The following COL24A1 variants were observed in gnomAD, a reference collection of about 807,000 sequenced individuals.
COL24A1 encodes the protein collagen type XXIV alpha 1 chain.
Under a neutral mutation model 253.9 loss-of-function variants are expected in COL24A1, and 224 were observed. The observed-to-expected ratio is 0.88, with a 90% CI of 0.79 to 0.99. COL24A1 has a LOEUF of 0.99. Among genes scored for constraint, COL24A1 ranks in the 50% least tolerant of loss-of-function variants. The pLI is 0.00. For synonymous variants in COL24A1, 685 were observed against 673.7 expected, an observed-to-expected ratio of 1.02 and a Z score of -0.26; for missense variants, 2,131 against 2,068.5, an observed-to-expected ratio of 1.03 and a Z score of -0.59.
intron 22 of COL24A1, 33 bp downstream of exon 22, chr1:85,970,194 G>T (rs1298941748): frequency 2.3e-5 from 35 of 1,528,260 alleles, no homozygotes; most frequent in Non-Finnish European, 3.0e-5. Context: ...TTCAAGAAAA[G>T]CACTTATGGA....
chr1:85,743,577 C>G (rs918757222), intron 57 of COL24A1, among the ~76,000 whole-genome samples: 5 of 152,096 alleles, frequency 3.3e-5, no homozygotes, highest in African/African-American at 7.2e-5. Flanking sequence ...TTGAACACTG[C>G]ACAATCCACA....
chr1:85,838,980 C>T (rs1225487393), intron 42 of COL24A1, among the ~76,000 whole-genome samples: 3 of 151,978 alleles, frequency 2.0e-5, no homozygotes, highest in Non-Finnish European at 4.4e-5. Flanking sequence ...CAGGAGGATC[C>T]CTTGAGCCCA....
intron 2 of COL24A1, among the ~76,000 whole-genome samples, chr1:86,138,658 A>G (rs1395674991): frequency 6.6e-6 from 1 of 152,118 alleles, no homozygotes; most frequent in African/African-American, 2.4e-5. Flanking sequence ...ATGGAACTGT[A>G]AGTCCACTAA....
At chr1:85,925,726 G>A (rs527717729) in intron 24 of COL24A1, among the ~76,000 whole-genome samples, 15 of 152,290 alleles carry the variant, frequency 9.8e-5, no homozygotes, top group African/African-American at 3.6e-4. Flanking sequence ...AACCCTAGAA[G>A]AAAACCTAAG....
intron 45 of COL24A1, among the ~76,000 whole-genome samples, chr1:85,818,423 T>C (rs1358699795): frequency 6.6e-6 from 1 of 152,210 alleles, no homozygotes; most frequent in Non-Finnish European, 1.5e-5. Flanking sequence ...CATATTTACT[T>C]AATTCAGTAA....
intron 12 of COL24A1, among the ~76,000 whole-genome samples, chr1:86,034,696 C>T (rs976733734): frequency 6.6e-6 from 1 of 152,026 alleles, no homozygotes; most frequent in African/African-American, 2.4e-5. Context: ...TCCCAAATGC[C>T]TATTGAGAAT....
intron 20 of COL24A1, among the ~76,000 whole-genome samples, chr1:85,976,191 G>A (rs1340878721): frequency 6.6e-6 from 1 of 152,200 alleles, no homozygotes; most frequent in African/African-American, 2.4e-5. Flanking sequence ...TGAAGGCAGG[G>A]AGGGGCGAGG....
At chr1:86,019,303 T>C (rs1274949144) in intron 18 of COL24A1, among the ~76,000 whole-genome samples, 2 of 152,040 alleles carry the variant, frequency 1.3e-5, no homozygotes, top group African/African-American at 4.8e-5. Context: ...ACACCTATAA[T>C]CCCACATTCT....
At chr1:86,115,145 C>A (rs1293744788) in intron 4 of COL24A1, among the ~76,000 whole-genome samples, 180 bp downstream of exon 4, 1 of 152,198 alleles carries the variant, frequency 6.6e-6, no homozygotes, top group Non-Finnish European at 1.5e-5. Context: ...TGTGTGTTTA[C>A]ACTCAAAATA....
intron 24 of COL24A1, among the ~76,000 whole-genome samples, chr1:85,911,662 C>T (rs895897503): frequency 5.3e-5 from 8 of 152,096 alleles, no homozygotes; most frequent in East Asian, 1.9e-4. Context: ...ACAGGCACTA[C>T]GCTGGGAGGC....
intron 4 of COL24A1, among the ~76,000 whole-genome samples, chr1:86,114,028 T>G (rs1260803373): frequency 6.6e-6 from 1 of 152,038 alleles, no homozygotes; most frequent in Non-Finnish European, 1.5e-5. Context: ...AGCTCAGTAG[T>G]ACAAACAACA....
intron 7 of COL24A1, among the ~76,000 whole-genome samples, chr1:86,086,108 T>A (rs1703045642): frequency 1.3e-5 from 2 of 152,158 alleles, no homozygotes; most frequent in South Asian, 4.1e-4. Flanking sequence ...TAGACAAATT[T>A]TAATATTTAC....
intron 57 of COL24A1, among the ~76,000 whole-genome samples, chr1:85,739,992 C>T (rs140070858): frequency 3.7e-4 from 57 of 152,268 alleles, no homozygotes; most frequent in African/African-American, 1.3e-3. Context: ...TTCATTGCCC[C>T]TAATGATCAT....
chr1:85,840,348 T>G (rs985663618), intron 42 of COL24A1, among the ~76,000 whole-genome samples: 1 of 152,130 alleles, frequency 6.6e-6, no homozygotes, highest in African/African-American at 2.4e-5. Context: ...ACATATTCCT[T>G]TAGATACCTA....
At chr1:86,080,393 A>T (rs1329708928) in intron 7 of COL24A1, among the ~76,000 whole-genome samples, 1 of 152,194 alleles carries the variant, frequency 6.6e-6, no homozygotes, top group African/African-American at 2.4e-5. Flanking sequence ...AAACTATAGT[A>T]AATAATAATT....
intron 55 of COL24A1, among the ~76,000 whole-genome samples, chr1:85,746,173 G>T (rs546971861): frequency 3.9e-5 from 6 of 152,184 alleles, no homozygotes; most frequent in Admixed American, 6.5e-5. Flanking sequence ...AAGGTTCTGG[G>T]AAATGGCATC....
At chr1:86,123,352 C>G (rs981750264) in intron 3 of COL24A1, among the ~76,000 whole-genome samples, 1 of 151,888 alleles carries the variant, frequency 6.6e-6, no homozygotes, top group African/African-American at 2.4e-5. Flanking sequence ...ATTTTTTTAA[C>G]CTTTGAACAT....
intron 26 of COL24A1, 126 bp from the exon 27 acceptor site, chr1:85,908,777 A>ATG (rs1685088875): frequency 4.6e-6 from 2 of 437,572 alleles, no homozygotes; most frequent in Admixed American, 4.3e-5. Context: ...TTTCTTTTGT[A>ATG]ACCAAGATAT....
At chr1:86,127,946 A>T (rs764502092) in intron 2 of COL24A1, among the ~76,000 whole-genome samples, 3 of 152,104 alleles carry the variant, frequency 2.0e-5, no homozygotes, top group Non-Finnish European at 4.4e-5. Flanking sequence ...GGTTAGAACA[A>T]CCATCATTTT....
Sources: gnomAD v4.1 joint callset for allele counts (sites outside exome capture counted in the v4.1 genomes callset) on GRCh38, gnomAD v4.1.1 for gene constraint, MANE v1.5 for transcripts, NCBI Gene and HGNC (gene_info 2026-07-23, HGNC 2026-07-21) for gene names.